CLVS1: variants seen among roughly 807,000 people sequenced by gnomAD.
CLVS1 encodes the protein clavesin 1.
In CLVS1, 10 loss-of-function variants were observed where a neutral mutation model predicts 33.1. That is an observed-to-expected ratio of 0.30 (90% CI 0.19 to 0.51). CLVS1 has a LOEUF of 0.51. CLVS1 is among the 20% of genes least tolerant of loss of function. The pLI is 0.97. For synonymous variants in CLVS1, 163 were observed against 166.1 expected (o/e 0.98, Z 0.14); for missense variants, 343 against 433.4 (o/e 0.79, Z 1.85).
At chr8:61,181,802 C>A (rs1376707015) in intron 2 of CLVS1, among the ~76,000 whole-genome samples, 1 of 148,544 alleles carries the variant, frequency 6.7e-6, no homozygotes, top group Non-Finnish European at 1.5e-5. Context: ...CAGGATCCTG[C>A]CATTCTCCTG....
Position 61,324,260 on chromosome 8 carries a change from G to T in CLVS1, c.455+23978G>T, listed in dbSNP as rs184654459. Among the ~76,000 whole-genome samples the T allele has an allele frequency of 8.3e-4, 126 of 152,118 alleles. 1 individual carries two copies. Among genetic ancestry groups the T allele is most frequent in the Admixed American group, 3.1e-3 (48 of 15,274 alleles). On this transcript the variant is annotated intron_variant, in intron 2 of 5. Transcript: ENST00000325897. The stretch of plus-strand genomic sequence containing the variant: ...TGGTGGGAGATAATTTTAATCATGG[G>T]GGCAGTTTCCCCTATACTTTTCTCA...
chr8:61,124,593 T>C (rs1469876603), intron 1 of CLVS1, among the ~76,000 whole-genome samples: 1 of 152,234 alleles, frequency 6.6e-6, no homozygotes, highest in Non-Finnish European at 1.5e-5. Context: ...CTTCAGACCC[T>C]TTAATGAAAG....
intron 1 of CLVS1, among the ~76,000 whole-genome samples, chr8:61,123,720 T>C (rs1383906876): frequency 3.3e-5 from 5 of 152,204 alleles, no homozygotes; most frequent in African/African-American, 9.7e-5. Flanking sequence ...TCGGTGTGCA[T>C]GGACTAAAGC....
At chr8:61,069,571 G>A (rs187395375) in intron 1 of CLVS1, among the ~76,000 whole-genome samples, 1 of 152,228 alleles carries the variant, frequency 6.6e-6, no homozygotes, top group East Asian at 1.9e-4. Flanking sequence ...CTGGGCTTGT[G>A]TCTTCCTCTG....
chr8:61,063,811 T>A (rs1406211609), intron 1 of CLVS1, among the ~76,000 whole-genome samples: 1 of 152,080 alleles, frequency 6.6e-6, no homozygotes, highest in Non-Finnish European at 1.5e-5. Context: ...CGCACAATCA[T>A]CCCCCCTATG....
At chr8:61,344,054 A>G (rs568388585) in intron 2 of CLVS1, among the ~76,000 whole-genome samples, 30 of 152,258 alleles carry the variant, frequency 2.0e-4, no homozygotes, top group African/African-American at 6.5e-4. Context: ...AATTGCTAAT[A>G]TTTATTGGGC....
intron 2 of CLVS1, among the ~76,000 whole-genome samples, chr8:61,191,390 T>C (rs986021916): frequency 9.2e-5 from 14 of 152,194 alleles, no homozygotes; most frequent in African/African-American, 3.1e-4. Context: ...TAATAAGAGC[T>C]ATTTATGACA....
At chr8:61,388,672 A>G (rs1013116604) in intron 3 of CLVS1, among the ~76,000 whole-genome samples, 1 of 152,024 alleles carries the variant, frequency 6.6e-6, no homozygotes, top group Non-Finnish European at 1.5e-5. Context: ...ATAAATATTT[A>G]TGGGGTACAT....
chr8:61,134,297 C>T (rs780021082), intron 2 of CLVS1, among the ~76,000 whole-genome samples: 5 of 152,216 alleles, frequency 3.3e-5, no homozygotes, highest in Admixed American at 1.3e-4. Flanking sequence ...TTGCCAGGTG[C>T]GCCTCGAAGC....
At chr8:61,173,843 C>A (rs987219157) in intron 2 of CLVS1, among the ~76,000 whole-genome samples, 27 of 152,160 alleles carry the variant, frequency 1.8e-4, no homozygotes, top group African/African-American at 6.5e-4. Context: ...GAGGAAACTA[C>A]CTGAGTCTGG....
chr8:61,482,297 C>T (rs527643106), intron 5 of CLVS1, among the ~76,000 whole-genome samples: 92 of 152,310 alleles, frequency 6.0e-4, no homozygotes, highest in African/African-American at 2.2e-3. Context: ...TGCCTCTTCT[C>T]CTCCAAAGGA....
chr8:61,290,016 C>G (rs1408322992), intron 1 of CLVS1, among the ~76,000 whole-genome samples: 2 of 152,152 alleles, frequency 1.3e-5, no homozygotes, highest in African/African-American at 4.8e-5. Flanking sequence ...TAACCAAGAC[C>G]TCTTAAAAGT....
At chr8:61,368,206 A>T (rs569281347) in intron 2 of CLVS1, among the ~76,000 whole-genome samples, 1 of 152,246 alleles carries the variant, frequency 6.6e-6, no homozygotes, top group African/African-American at 2.4e-5. Flanking sequence ...GCACACACAC[A>T]GTGATACATA....
chr8:61,140,756 T>TG (rs1219282483), intron 2 of CLVS1, among the ~76,000 whole-genome samples: 1 of 151,926 alleles, frequency 6.6e-6, no homozygotes, highest in African/African-American at 2.4e-5. Context: ...TTAGTAGAGA[T>TG]GGGGTTTCAC....
intron 2 of CLVS1, among the ~76,000 whole-genome samples, chr8:61,262,005 T>TGTGTGTG (rs1809215934): frequency 1.3e-5 from 2 of 151,670 alleles, no homozygotes; most frequent in African/African-American, 4.9e-5. Context: ...TGTGTGTGTG[T>TGTGTGTG]GTGTGTGTGT....
In CLVS1 at chr8:61,174,117, G is replaced by C. The variant is rs142419736; in HGVS notation, c.-152+42257G>C. Among the ~76,000 whole-genome samples, 815 of 152,136 alleles carry C rather than the reference G, an allele frequency of 5.4e-3. 6 individuals are homozygous for C. Among genetic ancestry groups the C allele is most frequent in the African/African-American group, 0.019 (768 of 41,502 alleles). Reference sequence around the variant, plus strand: ...AGTAACTTAATTTCACTCTAGAAAAGAGCTCAAGAATATTTAGAATGAAAC... The same window carrying C: ...AGTAACTTAATTTCACTCTAGAAAACAGCTCAAGAATATTTAGAATGAAAC... On this transcript the variant is annotated intron_variant, in intron 2 of 2. Coordinates refer to the CLVS1 transcript ENST00000522621.
At chr8:60,988,852 G>A in the CLVS1 span, among the ~76,000 whole-genome samples, 1 of 152,116 alleles carries the variant, frequency 6.6e-6, no homozygotes, top group Non-Finnish European at 1.5e-5. Context: ...AGCTTTTTTG[G>A]TTTGTCTTAT....
chr8:61,309,977 T>C (rs1810778304), intron 2 of CLVS1, among the ~76,000 whole-genome samples: 1 of 152,190 alleles, frequency 6.6e-6, no homozygotes, highest in Admixed American at 6.5e-5. Flanking sequence ...TCCTCAGTTA[T>C]AAGAACTTGT....
chr8:61,413,792 A>C (rs1223933414), intron 3 of CLVS1, among the ~76,000 whole-genome samples: 2 of 152,322 alleles, frequency 1.3e-5, no homozygotes, highest in Non-Finnish European at 2.9e-5. Context: ...GCTTGGACTA[A>C]CATTCAGGTG....
Sources: allele counts gnomAD v4.1 joint callset (sites outside exome capture counted in the v4.1 genomes callset), GRCh38; gene constraint gnomAD v4.1.1; transcripts MANE v1.5; gene names NCBI Gene and HGNC (gene_info 2026-07-23, HGNC 2026-07-21).